PCGF5: variants seen among roughly 807,000 people sequenced by gnomAD.
PCGF5 encodes polycomb group RING finger protein 5.
PCGF5 carries 9 observed loss-of-function variants against 44.3 expected under a neutral mutation model. The ratio of observed to expected loss-of-function variants is 0.20; its 90% CI spans 0.12 to 0.35. The LOEUF (loss-of-function observed/expected upper bound fraction) is 0.35. Among genes scored for constraint, PCGF5 ranks in the 10% least tolerant of loss-of-function variants. PCGF5 has a pLI of 1.00. For synonymous variants in PCGF5, 95 were observed against 102.5 expected, an observed-to-expected ratio of 0.93 and a Z score of 0.44; for missense variants, 146 against 305.3, an observed-to-expected ratio of 0.48 and a Z score of 3.89.
chr10:91,271,285 G>T (rs1309735572), intron 8 of PCGF5, among the ~76,000 whole-genome samples: 1 of 152,130 alleles, frequency 6.6e-6, no homozygotes, highest in East Asian at 1.9e-4. Context: ...AGGAGACAGT[G>T]ATCAGAGGAA....
intron 2 of PCGF5, among the ~76,000 whole-genome samples, chr10:91,234,509 G>A (rs1270314755): frequency 6.6e-6 from 1 of 152,186 alleles, no homozygotes; most frequent in Non-Finnish European, 1.5e-5. Flanking sequence ...AATGGCTAGG[G>A]TAGAAATGGC....
chr10:91,201,233 G>A (rs999273626), intron 1 of PCGF5, among the ~76,000 whole-genome samples: 1 of 152,126 alleles, frequency 6.6e-6, no homozygotes, highest in African/African-American at 2.4e-5. Context: ...TCTGGTGAGG[G>A]CCTTCTTGCC....
At chr10:91,230,720 A>G (rs1218832707) in intron 2 of PCGF5, among the ~76,000 whole-genome samples, 4 of 152,082 alleles carry the variant, frequency 2.6e-5, no homozygotes, top group Admixed American at 6.6e-5. Flanking sequence ...CCACAGTCTC[A>G]AGCGATCTTC....
intron 1 of PCGF5, among the ~76,000 whole-genome samples, chr10:91,167,317 T>C (rs1843517462): frequency 6.6e-6 from 1 of 152,222 alleles, no homozygotes; most frequent in Non-Finnish European, 1.5e-5. Context: ...TTTAAGAGGC[T>C]TAAGAGTCAT....
Position 91,281,525 on chromosome 10 carries a change from A to G in PCGF5, c.*3209A>G, listed in dbSNP as rs995041904. 2 of 152,556 alleles carry G rather than the reference A, an allele frequency of 1.3e-5. No homozygotes were observed. Among genetic ancestry groups the G allele is most frequent in the African/African-American group, 4.8e-5 (2 of 41,450 alleles). 9.5% of individuals were successfully genotyped at this position (152,556 alleles called of 1,614,324 possible). On this transcript the variant is annotated 3_prime_UTR_variant, in exon 10 of 10. Transcript: ENST00000336126. ...AGTTATCTGTACCTGTCTCTTATGA[A>G]TGGTTTCATATCTAAATAGGCTCTT...
chr10:91,251,224 T>C, intron 5 of PCGF5, 68 bp from the exon 6 acceptor site: 1 of 1,309,694 alleles, frequency 7.6e-7, no homozygotes, highest in African/African-American at 1.5e-5. Context: ...TGATTATCAA[T>C]GTATGATTGC....
chr10:91,169,036 C>T (rs540246697), intron 1 of PCGF5, among the ~76,000 whole-genome samples: 231 of 149,576 alleles, frequency 1.5e-3, no homozygotes, highest in African/African-American at 5.5e-3. Context: ...CGAGGGAGGA[C>T]GTAGGAGGGC....
chr10:91,215,554 G>A (rs947855499), upstream of PCGF5, among the ~76,000 whole-genome samples: 5 of 152,212 alleles, frequency 3.3e-5, no homozygotes, highest in Non-Finnish European at 5.9e-5. Flanking sequence ...GCCCTCTTTT[G>A]CTGAGTTTGC....
At chr10:91,249,475 AT>A (rs1035518820) in intron 5 of PCGF5, among the ~76,000 whole-genome samples, 5 of 148,718 alleles carry the variant, frequency 3.4e-5, no homozygotes, top group African/African-American at 9.8e-5. Context: ...TATCGCTCCC[AT>A]TTTTTTAAAT....
chr10:91,214,520 A>G (rs1372047806), intron 1 of PCGF5, among the ~76,000 whole-genome samples: 1 of 152,238 alleles, frequency 6.6e-6, no homozygotes, highest in Non-Finnish European at 1.5e-5. Context: ...GATCAAATTC[A>G]AAATCATGGC....
chr10:91,171,909 C>G (rs142222160), intron 1 of PCGF5, among the ~76,000 whole-genome samples: 7 of 152,186 alleles, frequency 4.6e-5, no homozygotes, highest in African/African-American at 1.4e-4. Context: ...GTGTCAGTGT[C>G]TGTCTTTAAA....
At chr10:91,235,045 C>A (rs1049832375) in intron 2 of PCGF5, among the ~76,000 whole-genome samples, 2 of 152,152 alleles carry the variant, frequency 1.3e-5, no homozygotes, top group Non-Finnish European at 2.9e-5. Flanking sequence ...AGAGCCAAAT[C>A]CTGGAATGGG....
intron 2 of PCGF5, among the ~76,000 whole-genome samples, chr10:91,233,028 G>A (rs1434270353): frequency 6.6e-6 from 1 of 152,178 alleles, no homozygotes; most frequent in Admixed American, 6.5e-5. Flanking sequence ...GTTAGATAGA[G>A]TTAGCCAGGA....
chr10:91,263,528 T>C (rs1469589976), intron 7 of PCGF5, among the ~76,000 whole-genome samples: 1 of 152,222 alleles, frequency 6.6e-6, no homozygotes, highest in African/African-American at 2.4e-5. Context: ...CTCATTCTTC[T>C]TCCCCTCCCA....
Position 91,284,257 on chromosome 10 carries a change from A to G in PCGF5, c.*5941A>G, listed in dbSNP as rs1312361428. On this transcript the variant is annotated 3_prime_UTR_variant, in exon 10 of 10. Coordinates refer to ENST00000336126, the MANE Select transcript of PCGF5 (RefSeq NM_032373.5). ...TCTTTGTTATTAAAAATTAAATTGCATAATTTATTATTGTTTGTCATCTTT... is the reference window on the plus strand; with the variant it reads ...TCTTTGTTATTAAAAATTAAATTGCGTAATTTATTATTGTTTGTCATCTTT... The G allele has an allele frequency of 1.3e-5, 2 of 152,518 alleles. No homozygotes were observed. The highest frequency in any genetic ancestry group is 2.9e-5 in the Non-Finnish European group (2 of 68,008). 9.4% of individuals were successfully genotyped at this position (152,518 alleles called of 1,614,324 possible). A position where few individuals can be genotyped will look rare whatever the true frequency, so the allele number is the denominator to read the frequency against.
intron 1 of PCGF5, among the ~76,000 whole-genome samples, chr10:91,200,902 T>G (rs1459228256): frequency 6.6e-6 from 1 of 152,074 alleles, no homozygotes; most frequent in Admixed American, 6.5e-5. Flanking sequence ...TTGATAACAT[T>G]AGCTGTGTTC....
In PCGF5 at chr10:91,222,753, A is replaced by G. The variant is rs1844715804; in HGVS notation, c.-119A>G. The G allele has an allele frequency of 1.8e-6, 1 of 565,418 alleles. No homozygotes were observed. The allele number at this position is 565,418 out of a possible 1,614,324, so 35.0% of individuals were successfully genotyped here. ...CGATCTCATGATAAATCTGGATGCT[A>G]GTTCTCATGCCTCAGGACATCCTAC... On this transcript the variant is annotated 5_prime_UTR_variant, in exon 2 of 10. Coordinates refer to ENST00000336126, the MANE Select transcript of PCGF5 (RefSeq NM_032373.5).
chr10:91,243,445 A>G (rs12241950), intron 3 of PCGF5, among the ~76,000 whole-genome samples: 18,789 of 152,218 alleles, frequency 0.12, 2,117 homozygotes, highest in African/African-American at 0.3. Flanking sequence ...CATGTAGCAA[A>G]AAATTTACCT....
At chr10:91,187,973 A>AT (rs1843957394) in intron 1 of PCGF5, among the ~76,000 whole-genome samples, 1 of 151,194 alleles carries the variant, frequency 6.6e-6, no homozygotes, top group East Asian at 1.9e-4. Context: ...TAAACTTTTA[A>AT]TTTTTTTAAA....
Sources: gnomAD v4.1 joint callset for allele counts (sites outside exome capture counted in the v4.1 genomes callset) on GRCh38, gnomAD v4.1.1 for gene constraint, MANE v1.5 for transcripts, NCBI Gene and HGNC (gene_info 2026-07-23, HGNC 2026-07-21) for gene names.